The following CEP63 variants were observed in gnomAD, a reference collection of about 807,000 sequenced individuals.
The protein encoded by CEP63 is centrosomal protein 63, also known as centrosomal protein of 63 kDa.
CEP63 carries 84 observed loss-of-function variants against 89.1 expected under a neutral mutation model. That is an observed-to-expected ratio of 0.94 (90% CI 0.79 to 1.13). CEP63 has a LOEUF of 1.13. Ranked by LOEUF, CEP63 falls within the 50% of genes most tolerant of loss-of-function variation. The probability of loss-of-function intolerance (pLI) is 0.00; values close to 1 mark genes in which losing one functional copy is unlikely to be tolerated. For synonymous variants in CEP63, 267 were observed against 272.5 expected (o/e 0.98, Z 0.20); for missense variants, 838 against 813.3 (o/e 1.03, Z -0.37).
chr3:134,772,847 C>T, the CEP63 span, among the ~76,000 whole-genome samples: 1 of 152,176 alleles, frequency 6.6e-6, no homozygotes, highest in Non-Finnish European at 1.5e-5. Context: ...TTCCCAGGAG[C>T]TCAACTTGAC....
chr3:134,732,993 T>G, the CEP63 span, among the ~76,000 whole-genome samples: 2 of 152,178 alleles, frequency 1.3e-5, no homozygotes, highest in African/African-American at 2.4e-5. Context: ...CAAGTCCCAG[T>G]GTTCACAGAG....
At chr3:134,519,332 C>CTT (rs1946928594) in intron 3 of CEP63, among the ~76,000 whole-genome samples, 1 of 151,196 alleles carries the variant, frequency 6.6e-6, no homozygotes, top group Non-Finnish European at 1.5e-5. Context: ...TGGGGTTTCA[C>CTT]CATGTTGGTC....
At chr3:134,604,567 G>A in the CEP63 span, 19 of 1,109,480 alleles carry the variant, frequency 1.7e-5, no homozygotes, top group African/African-American at 1.1e-4. Flanking sequence ...GGAGAAAAAC[G>A]TCCTGACTTA....
the CEP63 span, among the ~76,000 whole-genome samples, chr3:134,741,136 CCA>C: frequency 6.6e-6 from 1 of 152,172 alleles, no homozygotes; most frequent in East Asian, 1.9e-4. Context: ...TCCTATGTCC[CCA>C]CTCAGTTTTC....
the CEP63 span, among the ~76,000 whole-genome samples, chr3:134,685,195 T>C: frequency 2.0e-5 from 3 of 152,212 alleles, no homozygotes; most frequent in Non-Finnish European, 4.4e-5. Flanking sequence ...CATATCTTCA[T>C]GCCAAACATC....
chr3:134,709,944 G>T, the CEP63 span, among the ~76,000 whole-genome samples: 1 of 152,198 alleles, frequency 6.6e-6, no homozygotes. Flanking sequence ...GATTTGAACA[G>T]AGTCTTTTCA....
intron 6 of CEP63, among the ~76,000 whole-genome samples, chr3:134,541,483 G>A (rs868664049): frequency 1.3e-5 from 2 of 150,682 alleles, no homozygotes; most frequent in African/African-American, 4.9e-5. Context: ...AATTCATATG[G>A]AATGATAAAT....
Position 134,487,177 on chromosome 3 carries a change from G to A in CEP63, c.-26+975G>A, listed in dbSNP as rs191190312. ...CTTGCATTTATTTTTTAGATACGAG[G>A]AAATCATAAGGATCGTTGATTAGAT... On this transcript the variant is annotated intron_variant, in intron 1 of 14. Transcript: ENST00000675561. 3.3e-5 allele frequency among the ~76,000 whole-genome samples: 5 copies of A among 152,260 alleles called. No individual in the cohort carries two copies. In the East Asian group the frequency reaches 9.7e-4, roughly 29 times the overall value.
the CEP63 span, among the ~76,000 whole-genome samples, chr3:134,766,225 T>A: frequency 1.3e-5 from 2 of 152,214 alleles, no homozygotes; most frequent in African/African-American, 4.8e-5. Context: ...GCAGCTTTCA[T>A]CTTCTGATAG....
At chr3:134,576,854 T>C (rs1958224889), downstream of CEP63, among the ~76,000 whole-genome samples, 1 of 134,666 alleles carries the variant, frequency 7.4e-6, no homozygotes, top group Admixed American at 7.2e-5. Flanking sequence ...AGGGAGGAAC[T>C]AAAACTTGGC....
chr3:134,567,485 C>T (rs888059481), downstream of CEP63, among the ~76,000 whole-genome samples: 9 of 120,790 alleles, frequency 7.5e-5, no homozygotes, highest in African/African-American at 2.5e-4. Context: ...AAAAAAAAAG[C>T]CTCTGATGCA....
chr3:134,525,538 T>C (rs1180031345), intron 3 of CEP63, among the ~76,000 whole-genome samples: 1 of 152,170 alleles, frequency 6.6e-6, no homozygotes, highest in Non-Finnish European at 1.5e-5. Context: ...AAGGTTAGTA[T>C]TGATATGTAT....
chr3:134,568,194 C>A (rs937730145), downstream of CEP63, among the ~76,000 whole-genome samples: 2 of 152,044 alleles, frequency 1.3e-5, no homozygotes, highest in Non-Finnish European at 2.9e-5. Context: ...TTCTGTGGCA[C>A]CAGCTTTGGG....
chr3:134,762,055 A>G, the CEP63 span, among the ~76,000 whole-genome samples: 4 of 152,148 alleles, frequency 2.6e-5, no homozygotes, highest in Admixed American at 1.3e-4. Context: ...CTTGACATCA[A>G]TCCCTCAGCT....
chr3:134,647,257 C>A, the CEP63 span, among the ~76,000 whole-genome samples: 1 of 152,202 alleles, frequency 6.6e-6, no homozygotes. Context: ...GGACCTGACT[C>A]CAGGGAACAC....
At chr3:134,509,750 T>C (rs1005311550) in intron 3 of CEP63, among the ~76,000 whole-genome samples, 2 of 152,184 alleles carry the variant, frequency 1.3e-5, no homozygotes, top group African/African-American at 4.8e-5. Context: ...TTAAACTCAA[T>C]TGGATACATT....
At chr3:134,782,294 C>T in the CEP63 span, among the ~76,000 whole-genome samples, 299 of 152,194 alleles carry the variant, frequency 2.0e-3, no homozygotes, top group Middle Eastern at 3.4e-3. Context: ...CTAACAAAAC[C>T]GTTTAGACTT....
the CEP63 span, among the ~76,000 whole-genome samples, chr3:134,612,333 G>A: frequency 1.3e-5 from 2 of 152,190 alleles, no homozygotes; most frequent in Non-Finnish European, 2.9e-5. Flanking sequence ...GCCACTCCAG[G>A]GCAGAAGGAG....
chr3:134,583,903 G>C (rs6771298), intron 10 of CEP63, among the ~76,000 whole-genome samples: 1 of 151,916 alleles, frequency 6.6e-6, no homozygotes, highest in Admixed American at 6.6e-5. Context: ...CACATCCCTT[G>C]TAAGTTGGAT....
Sources: allele counts gnomAD v4.1 joint callset (sites outside exome capture counted in the v4.1 genomes callset), GRCh38; gene constraint gnomAD v4.1.1; transcripts MANE v1.5; gene names NCBI Gene and HGNC (gene_info 2026-07-23, HGNC 2026-07-21).